The following MPP7 variants were observed in gnomAD, a reference collection of about 807,000 sequenced individuals.
The protein encoded by MPP7 is MAGUK p55 subfamily member 7.
A neutral mutation model predicts 76.5 loss-of-function variants in MPP7; 60 were observed. That is an observed-to-expected ratio of 0.78 (90% confidence interval 0.64 to 0.97). The LOEUF is 0.97. Ranked by LOEUF, MPP7 falls within the 50% of genes least tolerant of loss-of-function variation. The pLI, the probability that MPP7 is intolerant of heterozygous loss-of-function variation, is 0.00. For synonymous variants in MPP7, 237 were observed against 244.5 expected (o/e 0.97, Z 0.29); for missense variants, 641 against 694.0 (o/e 0.92, Z 0.86).
Position 28,265,278 on chromosome 10 carries a change from G to A in MPP7, c.-131-26543C>T, listed in dbSNP as rs572969027. On this transcript the variant is annotated intron_variant, in intron 1 of 16. Coordinates refer to ENST00000683449, the MANE Select transcript of MPP7 (RefSeq NM_001318170.2). ...TCAGCTCATATCAAAATGCATTTAC[G>A]CTGGGCATGGTGACTCAAGCTTGTA... 2.8e-4 allele frequency among the ~76,000 whole-genome samples: 43 copies of A among 152,302 alleles called. 1 individual carries two copies. The highest frequency in any genetic ancestry group is 7.0e-4 in the African/African-American group (29 of 41,560).
chr10:28,164,140 T>G, intron 3 of MPP7, among the ~76,000 whole-genome samples: 1 of 151,092 alleles, frequency 6.6e-6, no homozygotes, highest in East Asian at 2.0e-4. Context: ...ATTGGGAGAG[T>G]CAGGGGATGT....
At chr10:28,320,778 T>G (rs1291938589) in intron 2 of MPP7, among the ~76,000 whole-genome samples, 2 of 152,114 alleles carry the variant, frequency 1.3e-5, no homozygotes, top group Non-Finnish European at 2.9e-5. Context: ...ACATCAAGCC[T>G]ACATCTCCTA....
intron 1 of MPP7, among the ~76,000 whole-genome samples, chr10:28,293,842 T>C (rs1405004247): frequency 6.6e-6 from 1 of 151,864 alleles, no homozygotes; most frequent in Non-Finnish European, 1.5e-5. Flanking sequence ...AGGAAACAAA[T>C]AAGATAATGA....
intron 2 of MPP7, among the ~76,000 whole-genome samples, chr10:28,324,345 A>T (rs753390451): frequency 6.6e-5 from 10 of 152,222 alleles, no homozygotes; most frequent in Non-Finnish European, 1.3e-4. Flanking sequence ...GCAAGAAAGA[A>T]ATTTCTGTAA....
At chr10:28,101,163 C>A (rs1398060803) in intron 11 of MPP7, among the ~76,000 whole-genome samples, 1 of 152,096 alleles carries the variant, frequency 6.6e-6, no homozygotes, top group African/African-American at 2.4e-5. Flanking sequence ...TCCAGACATG[C>A]TGAGATTATG....
rs56923979 is a variant in MPP7, at chr10:28,062,531, AACACACACACACACACACACACAC to A, written c.1205-2812_1205-2789del. Among the ~76,000 whole-genome samples, 726 of 132,380 alleles carry A rather than the reference AACACACACACACACACACACACAC, an allele frequency of 5.5e-3. 9 individuals carry two copies. Among genetic ancestry groups the A allele is most frequent in the African/African-American group, 0.018 (640 of 36,092 alleles). 86.8% of individuals were successfully genotyped at this position (132,380 alleles called of 152,430 possible). A position where few individuals can be genotyped will look rare whatever the true frequency, so the allele number is the denominator to read the frequency against. On this transcript the variant is annotated intron_variant, in intron 13 of 16. Coordinates refer to ENST00000683449, the MANE Select transcript of MPP7 (RefSeq NM_001318170.2). Reference sequence around the variant, plus strand: ...AAATTCAATCATTTCCATAATAGTAAACACACACACACACACACACACACACACACACACACACACACACACACA... The same window carrying A: ...AAATTCAATCATTTCCATAATAGTAAACACACACACACACACACACACACA...
chr10:28,324,494 T>C (rs1192747452), intron 2 of MPP7, among the ~76,000 whole-genome samples: 2 of 152,230 alleles, frequency 1.3e-5, no homozygotes, highest in African/African-American at 2.4e-5. Flanking sequence ...AAGGGTTCTT[T>C]AATTTTTCTG....
chr10:28,191,194 CA>C (rs1837400643), intron 3 of MPP7, among the ~76,000 whole-genome samples: 1 of 152,054 alleles, frequency 6.6e-6, no homozygotes, highest in African/African-American at 2.4e-5. Context: ...GTGAATTCTA[CA>C]AAACACTTAA....
At chr10:28,161,028 T>C (rs550756442) in intron 3 of MPP7, among the ~76,000 whole-genome samples, 3 of 152,320 alleles carry the variant, frequency 2.0e-5, no homozygotes, top group Non-Finnish European at 4.4e-5. Context: ...TGCTGGCTGA[T>C]TGCTGCCACC....
At chr10:28,230,439 G>A (rs1230051337) in intron 2 of MPP7, among the ~76,000 whole-genome samples, 2 of 151,914 alleles carry the variant, frequency 1.3e-5, no homozygotes, top group Non-Finnish European at 2.9e-5. Context: ...ACTACTCAGT[G>A]CTAACAGAAA....
chr10:28,333,726 C>T (rs1219121773), intron 1 of MPP7, among the ~76,000 whole-genome samples: 2 of 152,176 alleles, frequency 1.3e-5, no homozygotes, highest in Non-Finnish European at 2.9e-5. Context: ...AAAAGAGATA[C>T]ATGTAGCCAC....
chr10:28,321,732 G>A (rs188863139), intron 2 of MPP7, among the ~76,000 whole-genome samples: 1 of 152,146 alleles, frequency 6.6e-6, no homozygotes, highest in East Asian at 1.9e-4. Context: ...CTACAAGCAT[G>A]TGCCACCACA....
chr10:28,113,202 G>GA (rs1393491108), intron 11 of MPP7, among the ~76,000 whole-genome samples: 1 of 152,150 alleles, frequency 6.6e-6, no homozygotes. Context: ...CTCCCAGAAG[G>GA]AAAGCTTGCT....
intron 2 of MPP7, among the ~76,000 whole-genome samples, chr10:28,325,352 A>G (rs1410127719): frequency 6.6e-6 from 1 of 152,080 alleles, no homozygotes; most frequent in Non-Finnish European, 1.5e-5. Flanking sequence ...ACTTGTACTG[A>G]TATTAAGAAC....
chr10:28,125,196 A>G, intron 6 of MPP7, 105 bp from the exon 7 acceptor site: 3 of 917,076 alleles, frequency 3.3e-6, no homozygotes, highest in Non-Finnish European at 5.2e-6. Flanking sequence ...AACAACTACA[A>G]AAACGAAAAA....
chr10:28,227,520 T>C (rs1445003101), intron 2 of MPP7, among the ~76,000 whole-genome samples: 2 of 151,562 alleles, frequency 1.3e-5, no homozygotes, highest in Non-Finnish European at 2.9e-5. Context: ...CTTGTATCCA[T>C]GTGATCTCAT....
Position 28,058,559 on chromosome 10 carries a change from C to G in MPP7, c.1343G>C (p.Ser448Thr). The G allele has an allele frequency of 1.2e-6, 2 of 1,605,032 alleles. No homozygotes were observed. The highest frequency in any genetic ancestry group is 1.7e-6 in the Non-Finnish European group (2 of 1,175,266). The part of the protein sequence containing the change: ...GEYKNNYYGT[S>T]IDSVRSVLAK... ...AAGGACAGACCGAACTGAGTCTATA[C>G]TTGTGCCGTAGTAGTTGTTTTTATA... is the stretch of plus-strand genomic sequence containing the variant. Residue 448 changes from serine (S) to threonine (T), a missense_variant, in exon 15 of 17, where the codon AGT becomes ACT. Ser to Thr is a moderately conservative substitution (Grantham distance 58). Transcript: ENST00000683449.
intron 3 of MPP7, among the ~76,000 whole-genome samples, chr10:28,183,651 G>C (rs1402707585): frequency 6.6e-6 from 1 of 152,172 alleles, no homozygotes; most frequent in African/African-American, 2.4e-5. Context: ...GCTGGGCACA[G>C]TATTGTGCAC....
Position 28,059,695 on chromosome 10 carries a change from A to G in MPP7, c.1253T>C (p.Ile418Thr). ...CTCAAACAAATGCTTGGAAATGAAA[A>G]TGTATTCAACACCATCACTCTCCTG... ...RSQESDGVEY[I>T]FISKHLFETD... Residue 418 changes from isoleucine (I) to threonine (T), a missense_variant, in exon 14 of 17, where the codon ATT becomes ACT. Transcript: ENST00000683449. 2 of 1,613,594 alleles carry G rather than the reference A, an allele frequency of 1.2e-6. No homozygotes were observed. Among genetic ancestry groups the G allele is most frequent in the Non-Finnish European group, 1.7e-6 (2 of 1,179,712 alleles).
Sources: gnomAD v4.1 joint callset for allele counts (sites outside exome capture counted in the v4.1 genomes callset) on GRCh38, gnomAD v4.1.1 for gene constraint, MANE v1.5 for transcripts, NCBI Gene and HGNC (gene_info 2026-07-23, HGNC 2026-07-21) for gene names.